GPR158: variants seen among roughly 807,000 people sequenced by gnomAD.
GPR158 encodes metabotropic glycine receptor.
Under a neutral mutation model 78.2 loss-of-function variants are expected in GPR158, and 30 were observed. The observed-to-expected ratio is 0.38, with a 90% CI of 0.29 to 0.52. The LOEUF is 0.52. Among genes scored for constraint, GPR158 ranks in the 20% least tolerant of loss-of-function variants. GPR158 has a pLI of 0.83. For missense variants in GPR158, 1,463 were observed against 1,523.5 expected (o/e 0.96, Z 0.66); for synonymous variants, 581 against 591.1 (o/e 0.98, Z 0.25).
intron 3 of GPR158, among the ~76,000 whole-genome samples, chr10:25,406,519 A>G (rs945836403): frequency 2.6e-5 from 4 of 152,204 alleles, no homozygotes; most frequent in African/African-American, 9.6e-5. Flanking sequence ...TTATTCAAGC[A>G]AAAAGCTGGG....
intron 5 of GPR158, among the ~76,000 whole-genome samples, chr10:25,484,817 ATGCAG>A (rs1169694359): frequency 9.2e-5 from 14 of 152,310 alleles, no homozygotes; most frequent in Middle Eastern, 3.4e-3. Flanking sequence ...AAATTTTCCC[ATGCAG>A]GTCCAGGACA....
chr10:25,533,479 A>G (rs1242888013), intron 5 of GPR158, among the ~76,000 whole-genome samples: 2 of 152,142 alleles, frequency 1.3e-5, no homozygotes, highest in Non-Finnish European at 2.9e-5. Context: ...ACTCTTTCTC[A>G]TGACTATGGC....
intron 2 of GPR158, among the ~76,000 whole-genome samples, chr10:25,372,029 G>T (rs931757237): frequency 6.6e-6 from 1 of 151,458 alleles, no homozygotes; most frequent in African/African-American, 2.4e-5. Context: ...AAACAACCCC[G>T]TCAAAAAGTG....
chr10:25,415,832 C>A (rs1834650915), intron 4 of GPR158, among the ~76,000 whole-genome samples: 1 of 151,990 alleles, frequency 6.6e-6, no homozygotes. Flanking sequence ...TAGTGGTTAC[C>A]AGGTACTACC....
chr10:25,599,373 G>T lies in GPR158; in HGVS notation c.*99G>T. The T allele has an allele frequency of 1.0e-6, 1 of 968,644 alleles. No homozygotes were observed. Among genetic ancestry groups the T allele is most frequent in the Non-Finnish European group, 1.5e-6 (1 of 656,696 alleles). 60.0% of individuals were successfully genotyped at this position (968,644 alleles called of 1,614,324 possible). ...TCCCAAGGAGGATTTGTCAATCAAG[G>T]AAAACATGACAGATGGTGAGGTAAA... On this transcript the variant is annotated 3_prime_UTR_variant, in exon 11 of 11. Transcript: ENST00000376351.
At chr10:25,372,957 C>T (rs1834021173) in intron 2 of GPR158, among the ~76,000 whole-genome samples, 1 of 151,830 alleles carries the variant, frequency 6.6e-6, no homozygotes, top group Non-Finnish European at 1.5e-5. Flanking sequence ...TCGGTATATA[C>T]CCAAAGGAAT....
intron 2 of GPR158, among the ~76,000 whole-genome samples, chr10:25,248,686 G>C (rs1853741480): frequency 6.6e-6 from 1 of 150,750 alleles, no homozygotes; most frequent in Admixed American, 6.6e-5. Flanking sequence ...CTCTGTTTTG[G>C]TACCAGTACC....
chr10:25,318,185 G>A (rs1223613154), intron 2 of GPR158, among the ~76,000 whole-genome samples: 1 of 152,088 alleles, frequency 6.6e-6, no homozygotes, highest in African/African-American at 2.4e-5. Flanking sequence ...AGGAGGGGAG[G>A]GAGTATGTGT....
intron 8 of GPR158, among the ~76,000 whole-genome samples, chr10:25,592,968 T>C (rs1401951775): frequency 7.0e-6 from 1 of 143,378 alleles, no homozygotes. Flanking sequence ...GTTTTCACAA[T>C]CTTTTGTCAA....
intron 5 of GPR158, among the ~76,000 whole-genome samples, chr10:25,530,075 G>A (rs569525755): frequency 6.6e-6 from 1 of 152,210 alleles, no homozygotes; most frequent in East Asian, 1.9e-4. Flanking sequence ...CTTCTTATAG[G>A]TTGTAGGTGG....
At chr10:25,245,789 G>A (rs1006064743) in intron 2 of GPR158, among the ~76,000 whole-genome samples, 2 of 152,114 alleles carry the variant, frequency 1.3e-5, no homozygotes, top group African/African-American at 4.8e-5. Flanking sequence ...TGAAAAGGAT[G>A]GGAAATAATG....
intron 2 of GPR158, among the ~76,000 whole-genome samples, chr10:25,319,863 T>A (rs1484259020): frequency 1.4e-5 from 2 of 146,254 alleles, no homozygotes; most frequent in Non-Finnish European, 3.0e-5. Context: ...TTCTGTGTAC[T>A]GTGGCAAATG....
intron 2 of GPR158, among the ~76,000 whole-genome samples, chr10:25,299,733 A>C (rs1456326760): frequency 6.6e-6 from 1 of 152,210 alleles, no homozygotes; most frequent in Non-Finnish European, 1.5e-5. Context: ...CTTTCTTCAA[A>C]TCCTACTGAT....
chr10:25,445,492 T>G (rs907012499), intron 4 of GPR158, among the ~76,000 whole-genome samples: 6 of 152,162 alleles, frequency 3.9e-5, no homozygotes, highest in Non-Finnish European at 7.3e-5. Context: ...TTATAAAGAT[T>G]TACAAAGAAA....
chr10:25,415,510 C>G (rs1341963), intron 4 of GPR158, among the ~76,000 whole-genome samples: 1 of 151,738 alleles, frequency 6.6e-6, no homozygotes, highest in Non-Finnish European at 1.5e-5. Context: ...GCAAGTGTTG[C>G]GGATGTGGAG....
Position 25,466,659 on chromosome 10 carries a change from G to A in GPR158, c.1344G>A (p.Arg448=). 6.2e-7 allele frequency: 1 copy of A among 1,602,280 alleles called. No individual in the cohort carries two copies. The highest frequency in any genetic ancestry group is 8.5e-7 in the Non-Finnish European group (1 of 1,172,354). The change falls in exon 5 of 11, where the codon CGG becomes CGA. Residue 448 remains arginine, a synonymous_variant. Coordinates refer to ENST00000376351, the MANE Select transcript of GPR158 (RefSeq NM_020752.3). ...TTATTTTGTTTTTTCAGAGCATCCG[G>A]GCATCGGGCCTTATCCTGTTGGAAA... ...VYHFRKAKSI[R]ASGLILLETI... is the part of the protein sequence containing the mutation.
At chr10:25,255,241 TTCAGTGTAGC>T (rs1415368927) in intron 2 of GPR158, among the ~76,000 whole-genome samples, 1 of 152,246 alleles carries the variant, frequency 6.6e-6, no homozygotes, top group Non-Finnish European at 1.5e-5. Flanking sequence ...CCTTACAGCT[TTCAGTGTAGC>T]TCAGTTCAGC....
At chr10:25,570,946 T>C (rs1836998182) in intron 6 of GPR158, among the ~76,000 whole-genome samples, 1 of 152,134 alleles carries the variant, frequency 6.6e-6, no homozygotes, top group African/African-American at 2.4e-5. Context: ...AGTAGTCTCC[T>C]TTTGTTTCAT....
intron 2 of GPR158, among the ~76,000 whole-genome samples, chr10:25,238,449 A>T (rs1853558232): frequency 2.0e-5 from 3 of 152,254 alleles, no homozygotes; most frequent in Admixed American, 2.0e-4. Context: ...TGTATCTGGA[A>T]TCACAACATC....
Sources: gnomAD v4.1 joint callset for allele counts (sites outside exome capture counted in the v4.1 genomes callset) on GRCh38, gnomAD v4.1.1 for gene constraint, MANE v1.5 for transcripts, NCBI Gene and HGNC (gene_info 2026-07-23, HGNC 2026-07-21) for gene names.